Variants in ALK observed in about 807,000 individuals in gnomAD.
The protein encoded by ALK is ALK tyrosine kinase receptor.
In ALK, 74 loss-of-function variants were observed where a neutral mutation model predicts 163.1. The ratio of observed to expected loss-of-function variants is 0.45; its 90% CI spans 0.38 to 0.55. ALK has a LOEUF of 0.55. Among genes scored for constraint, ALK ranks in the 20% least tolerant of loss-of-function variants. The pLI, the probability that ALK is intolerant of heterozygous loss-of-function variation, is 0.00. For missense variants in ALK, 2,063 were observed against 2,105.3 expected, an observed-to-expected ratio of 0.98 and a Z score of 0.39; for synonymous variants, 960 against 843.2, an observed-to-expected ratio of 1.14 and a Z score of -2.40.
intron 1 of ALK, among the ~76,000 whole-genome samples, chr2:29,899,345 C>T (rs1667350046): frequency 6.6e-6 from 1 of 152,024 alleles, no homozygotes; most frequent in Non-Finnish European, 1.5e-5. Flanking sequence ...CCCTTTTTTG[C>T]CCCCTGCAAG....
intron 3 of ALK, among the ~76,000 whole-genome samples, chr2:29,610,451 A>G (rs1356172227): frequency 6.6e-6 from 1 of 152,174 alleles, no homozygotes; most frequent in Non-Finnish European, 1.5e-5. Flanking sequence ...TTCGTCTTAA[A>G]TGAGTTCTAC....
intron 3 of ALK, among the ~76,000 whole-genome samples, chr2:29,562,769 T>C (rs1674063418): frequency 6.6e-6 from 1 of 152,242 alleles, no homozygotes. Flanking sequence ...ATTCTCATTA[T>C]TACAACTTAT....
intron 1 of ALK, among the ~76,000 whole-genome samples, chr2:29,764,577 C>T (rs538738367): frequency 4.6e-5 from 7 of 152,252 alleles, no homozygotes; most frequent in East Asian, 3.9e-4. Context: ...AGAGTCACTA[C>T]ATATATGAAA....
chr2:29,415,677 G>C (rs1238491857), intron 4 of ALK, among the ~76,000 whole-genome samples: 1 of 152,278 alleles, frequency 6.6e-6, no homozygotes, highest in African/African-American at 2.4e-5. Context: ...TTATTTCTGG[G>C]TATGTCTATG....
At chr2:29,456,268 C>A (rs1428990138) in intron 4 of ALK, among the ~76,000 whole-genome samples, 1 of 152,098 alleles carries the variant, frequency 6.6e-6, no homozygotes, top group African/African-American at 2.4e-5. Flanking sequence ...TATTTGTACA[C>A]CCACGTTCAT....
intron 1 of ALK, among the ~76,000 whole-genome samples, chr2:29,915,057 A>G (rs77144384): frequency 0.024 from 3,605 of 152,330 alleles, 143 homozygotes; most frequent in African/African-American, 0.082. Context: ...CCATAACAGG[A>G]CACTAATAAT....
At chr2:29,714,766 A>T (rs1679199561) in intron 2 of ALK, among the ~76,000 whole-genome samples, 1 of 152,226 alleles carries the variant, frequency 6.6e-6, no homozygotes, top group Admixed American at 6.5e-5. Flanking sequence ...AAAATTAATG[A>T]AGTTGTTAAC....
chr2:29,264,193 C>A (rs1198244134), intron 11 of ALK, among the ~76,000 whole-genome samples: 3 of 152,240 alleles, frequency 2.0e-5, no homozygotes, highest in Non-Finnish European at 4.4e-5. Context: ...TGCTGTGTCT[C>A]AGTGCACTTC....
chr2:29,894,103 G>A (rs1300480657), intron 1 of ALK, among the ~76,000 whole-genome samples: 1 of 152,138 alleles, frequency 6.6e-6, no homozygotes, highest in East Asian at 1.9e-4. Context: ...GGGGTGTCAA[G>A]GACCCAAACC....
At chr2:29,886,912 G>T (rs374021440) in intron 1 of ALK, among the ~76,000 whole-genome samples, 52 of 152,300 alleles carry the variant, frequency 3.4e-4, no homozygotes, top group African/African-American at 1.1e-3. Context: ...AGTAAAGAAG[G>T]GAAGAGAAAG....
intron 11 of ALK, among the ~76,000 whole-genome samples, chr2:29,267,761 C>G (rs964027084): frequency 2.0e-5 from 3 of 152,200 alleles, no homozygotes; most frequent in African/African-American, 7.2e-5. Context: ...TCCAAAACCA[C>G]TGAAGCTTTG....
intron 3 of ALK, among the ~76,000 whole-genome samples, chr2:29,564,778 CTT>C (rs1351012735): frequency 6.6e-6 from 1 of 152,186 alleles, no homozygotes; most frequent in Non-Finnish European, 1.5e-5. Flanking sequence ...CTGAGCCACT[CTT>C]GTCATCTTTC....
At chr2:29,616,696 C>G (rs1295100867) in intron 3 of ALK, among the ~76,000 whole-genome samples, 1 of 152,194 alleles carries the variant, frequency 6.6e-6, no homozygotes, top group Non-Finnish European at 1.5e-5. Flanking sequence ...CTCCTCCTAA[C>G]TCTGTCTTAC....
At chr2:29,784,888 T>C (rs1225937146) in intron 1 of ALK, among the ~76,000 whole-genome samples, 3 of 152,098 alleles carry the variant, frequency 2.0e-5, no homozygotes, top group South Asian at 2.1e-4. Context: ...TCTTCTGCTT[T>C]AGTTTATAAA....
At chr2:29,634,647 T>A (rs2339553) in intron 3 of ALK, among the ~76,000 whole-genome samples, 96,728 of 151,994 alleles carry the variant, frequency 0.64, 31,756 homozygotes, top group Middle Eastern at 0.73. Flanking sequence ...ATCTACAAAT[T>A]AAACTCTATA....
At chr2:29,910,393 T>C (rs1237747197) in intron 1 of ALK, among the ~76,000 whole-genome samples, 1 of 152,078 alleles carries the variant, frequency 6.6e-6, no homozygotes, top group African/African-American at 2.4e-5. Context: ...ACCATAAAAG[T>C]ATAGCACAAT....
At chr2:29,719,631 C>G (rs1330856313) in intron 1 of ALK, among the ~76,000 whole-genome samples, 1 of 152,212 alleles carries the variant, frequency 6.6e-6, no homozygotes, top group Admixed American at 6.5e-5. Flanking sequence ...TATTTGTCCT[C>G]ATTTTGCAGC....
intron 1 of ALK, among the ~76,000 whole-genome samples, chr2:29,789,784 G>A (rs1310244174): frequency 6.6e-6 from 1 of 152,280 alleles, no homozygotes; most frequent in South Asian, 2.1e-4. Flanking sequence ...CAGAGACTGC[G>A]ATTACATTGA....
intron 18 of ALK, among the ~76,000 whole-genome samples, chr2:29,226,252 G>T (rs1049566397): frequency 6.6e-6 from 1 of 152,054 alleles, no homozygotes; most frequent in Non-Finnish European, 1.5e-5. Context: ...GCCGAGGCGG[G>T]TGAATCACCT....
Sources: gnomAD v4.1 joint callset for allele counts (sites outside exome capture counted in the v4.1 genomes callset) on GRCh38, gnomAD v4.1.1 for gene constraint, MANE v1.5 for transcripts, NCBI Gene and HGNC (gene_info 2026-07-23, HGNC 2026-07-21) for gene names.